MYEF2: variants seen among roughly 807,000 people sequenced by gnomAD.
The protein encoded by MYEF2 is myelin expression factor 2.
In MYEF2, 37 loss-of-function variants were observed where a neutral mutation model predicts 75.2. That is an observed-to-expected ratio of 0.49 (90% confidence interval 0.38 to 0.65). The LOEUF (loss-of-function observed/expected upper bound fraction) is 0.65. Among genes scored for constraint, MYEF2 ranks in the 30% least tolerant of loss-of-function variants. The pLI is 0.00. For missense variants in MYEF2, 634 were observed against 771.4 expected, an observed-to-expected ratio of 0.82 and a Z score of 2.11; for synonymous variants, 195 against 241.6, an observed-to-expected ratio of 0.81 and a Z score of 1.79.
chr15:48,167,290 A>G, intron 3 of MYEF2, 59 bp downstream of exon 3: 1 of 1,548,820 alleles, frequency 6.5e-7, no homozygotes, highest in Admixed American at 1.7e-5. Context: ...GTATTATACA[A>G]AAAGTAAACT....
chr15:48,136,852 G>A lies in MYEF2; in HGVS notation c.*6056C>T. The A allele has an allele frequency of 6.2e-7, 1 of 1,613,744 alleles. No individual in the cohort carries two copies. Among genetic ancestry groups the A allele is most frequent in the Non-Finnish European group, 8.5e-7 (1 of 1,179,778 alleles). ...GCCACTGATGGGCTGGGAAGATGAAGGTCAACCATTCATTCGTCGGCAATC... is the reference window on the plus strand; with the variant it reads ...GCCACTGATGGGCTGGGAAGATGAAAGTCAACCATTCATTCGTCGGCAATC... On this transcript the variant is annotated 3_prime_UTR_variant, in exon 17 of 17. Coordinates refer to ENST00000324324, the MANE Select transcript of MYEF2 (RefSeq NM_016132.5).
At chr15:48,168,301 C>T (rs765540278) in intron 2 of MYEF2, among the ~76,000 whole-genome samples, 5 of 151,782 alleles carry the variant, frequency 3.3e-5, no homozygotes, top group East Asian at 1.9e-4. Context: ...ATTCTTAACA[C>T]GCTAAATGTA....
chr15:48,151,434 C>A, intron 13 of MYEF2, 39 bp downstream of exon 13: 2 of 1,556,278 alleles, frequency 1.3e-6, no homozygotes, highest in Non-Finnish European at 1.8e-6. Context: ...AAAATTATAG[C>A]CTACAAAAAG....
intron 16 of MYEF2, among the ~76,000 whole-genome samples, chr15:48,143,912 T>C (rs2039179761): frequency 6.6e-6 from 1 of 151,374 alleles, no homozygotes; most frequent in Non-Finnish European, 1.5e-5. Flanking sequence ...AAAGGGGGAG[T>C]TATCAATAAT....
At chr15:48,151,194 T>A in intron 13 of MYEF2, 23 bp from the exon 14 acceptor site, 2 of 1,561,678 alleles carry the variant, frequency 1.3e-6, no homozygotes, top group Non-Finnish European at 1.7e-6. Flanking sequence ...GGAAAGATAA[T>A]ATACTAATTA....
Position 48,168,791 on chromosome 15 carries a change from T to C in MYEF2, c.210A>G (p.Lys70=), listed in dbSNP as rs1357883847. Residue 70 remains lysine, a synonymous_variant, in exon 2 of 17, where the codon AAA becomes AAG. Coordinates refer to ENST00000324324, the MANE Select transcript of MYEF2 (RefSeq NM_016132.5). ...AKEEKSDLKE[K]STGSKKANRF... ...TATTGGCCTTCTTACTTCCTGTAGATTTTTCCTTTAAGTCAGATTTCTCTT... is the reference window on the plus strand; with the variant it reads ...TATTGGCCTTCTTACTTCCTGTAGACTTTTCCTTTAAGTCAGATTTCTCTT... 1 of 1,613,730 alleles carries C rather than the reference T, an allele frequency of 6.2e-7. No homozygotes were observed. The highest frequency in any genetic ancestry group is 1.7e-5 in the Admixed American group (1 of 60,006).
intron 11 of MYEF2, 96 bp downstream of exon 11, chr15:48,152,138 A>C (rs1238158878): frequency 1.5e-6 from 2 of 1,322,162 alleles, no homozygotes; most frequent in South Asian, 1.2e-5. Flanking sequence ...AGCCAACAAT[A>C]AACCATGACT....
At chr15:48,151,302 T>C (rs373693064) in intron 13 of MYEF2, 131 bp from the exon 14 acceptor site, 2 of 1,018,014 alleles carry the variant, frequency 2.0e-6, no homozygotes, top group African/African-American at 1.6e-5. Flanking sequence ...AGTTCAAATA[T>C]GTAAGATGTT....
chr15:48,147,020 AGAATT>A lies in MYEF2; in HGVS notation c.1639+2007_1639+2011del, dbSNP rs547091794. Among the ~76,000 whole-genome samples, 120 of 152,070 alleles carry A rather than the reference AGAATT, an allele frequency of 7.9e-4. 5 individuals carry two copies. The South Asian group carries it at 0.024, about 30-fold the overall frequency. On this transcript the variant is annotated intron_variant, in intron 16 of 16. Transcript: ENST00000324324. ...TCTAAGAGTCAGAAACTTTTACAAA[AGAATT>A]GATAAAACAAAAATCATTAATCTTA...
chr15:48,159,523 G>A (rs567344308), intron 6 of MYEF2, 90 bp downstream of exon 6: 2 of 1,229,376 alleles, frequency 1.6e-6, no homozygotes, highest in Admixed American at 2.4e-5. Context: ...TTAAAAATAA[G>A]CAAAATGTTC....
rs1167147265 is a variant in MYEF2 at position 48,136,877 on chromosome 15, C to G, written c.*6031G>C. ...GGTCAACCATTCATTCGTCGGCAAT[C>G]AAGAACTGATAGTGGAATATTTTAT... On this transcript the variant is annotated 3_prime_UTR_variant, in exon 17 of 17. Transcript: ENST00000324324. 2 of 1,613,778 alleles carry G rather than the reference C, an allele frequency of 1.2e-6. No homozygotes were observed. The highest frequency in any genetic ancestry group is 1.7e-6 in the Non-Finnish European group (2 of 1,179,830).
chr15:48,141,064 G>A lies in MYEF2; in HGVS notation c.*1844C>T, dbSNP rs1320640982. 4 of 1,422,914 alleles carry A rather than the reference G, an allele frequency of 2.8e-6. No homozygotes were observed. Among genetic ancestry groups the A allele is most frequent in the Non-Finnish European group, 3.9e-6 (4 of 1,013,468 alleles). The allele number at this position is 1,422,914 out of a possible 1,614,324, so 88.1% of individuals were successfully genotyped here. A position where few individuals can be genotyped will look rare whatever the true frequency, so the allele number is the denominator to read the frequency against. On this transcript the variant is annotated 3_prime_UTR_variant, in exon 17 of 17. Coordinates refer to ENST00000324324, the MANE Select transcript of MYEF2 (RefSeq NM_016132.5). ...AATATCCAAAATAACTGCAAAGGAT[G>A]GTTAGTGAATCTTTAAGATTTGTAA...
chr15:48,166,486 A>G (rs1336543158), intron 3 of MYEF2, among the ~76,000 whole-genome samples: 2 of 151,958 alleles, frequency 1.3e-5, no homozygotes, highest in African/African-American at 4.8e-5. Context: ...AGTTACAAAT[A>G]TTTTCAAAAA....
Position 48,138,324 on chromosome 15 carries a change from T to C in MYEF2, c.*4584A>G, listed in dbSNP as rs2038953032. 2 of 152,124 alleles carry C rather than the reference T, an allele frequency of 1.3e-5. No individual in the cohort carries two copies. The highest frequency in any genetic ancestry group is 1.9e-4 in the East Asian group (1 of 5,190). The allele number at this position is 152,124 out of a possible 1,614,324, so 9.4% of individuals were successfully genotyped here. On this transcript the variant is annotated 3_prime_UTR_variant, in exon 17 of 17. Transcript: ENST00000324324. ...ATATTATCATTATCCTTCTACTAAA[T>C]TAAATTGAATAAAGAAATATACTCA...
chr15:48,153,239 A>T (rs963778615), intron 10 of MYEF2: 7 of 152,004 alleles, frequency 4.6e-5, no homozygotes, highest in African/African-American at 1.7e-4. Context: ...TTAATATGTA[A>T]TTTTTTTAAT....
intron 1 of MYEF2, among the ~76,000 whole-genome samples, chr15:48,170,131 G>T (rs1162233106): frequency 1.3e-5 from 2 of 151,686 alleles, no homozygotes; most frequent in African/African-American, 4.8e-5. Flanking sequence ...TGTTGTTGTT[G>T]TTGTTGTTGT....
rs1419486599 is a variant in MYEF2 at position 48,134,737 on chromosome 15, G to C, written c.*8171C>G. The stretch of plus-strand genomic sequence containing the variant: ...GATTTATGAAAGTCTGTGTAAGTTA[G>C]AACACAATTTTACATTTTTTTCTCT... On this transcript the variant is annotated 3_prime_UTR_variant, in exon 17 of 17. Coordinates refer to ENST00000324324, the MANE Select transcript of MYEF2 (RefSeq NM_016132.5). 1.1e-5 allele frequency: 8 copies of C among 756,166 alleles called. No individual in the cohort carries two copies. Among genetic ancestry groups the C allele is most frequent in the Non-Finnish European group, 1.7e-5 (8 of 476,552 alleles). The allele number at this position is 756,166 out of a possible 1,614,324, so 46.8% of individuals were successfully genotyped here. A position where few individuals can be genotyped will look rare whatever the true frequency, so the allele number is the denominator to read the frequency against.
At chr15:48,168,978 A>G (rs1597351015) in intron 1 of MYEF2, 139 bp from the exon 2 acceptor site, 1 of 654,536 alleles carries the variant, frequency 1.5e-6, no homozygotes, top group East Asian at 2.8e-5. Flanking sequence ...GTAGCTGGAG[A>G]ATCAGCCTGA....
intron 9 of MYEF2, among the ~76,000 whole-genome samples, chr15:48,156,745 CATCT>C (rs1224152179): frequency 6.6e-6 from 1 of 151,590 alleles, no homozygotes; most frequent in Admixed American, 6.6e-5. Flanking sequence ...ACTAGAGCTA[CATCT>C]ATCAACATAA....
Sources: gnomAD v4.1 joint callset for allele counts (sites outside exome capture counted in the v4.1 genomes callset) on GRCh38, gnomAD v4.1.1 for gene constraint, MANE v1.5 for transcripts, NCBI Gene and HGNC (gene_info 2026-07-23, HGNC 2026-07-21) for gene names.